Variants in MFN2 observed in about 807,000 individuals in gnomAD.
MFN2 encodes mitofusin-2.
In MFN2, 43 loss-of-function variants were observed where a neutral mutation model predicts 87.5. The ratio of observed to expected loss-of-function variants is 0.49; its 90% confidence interval spans 0.38 to 0.63. The LOEUF is 0.63. Ranked by LOEUF, MFN2 falls within the 30% of genes least tolerant of loss-of-function variation. The pLI is 0.00. For missense variants in MFN2, 743 were observed against 972.8 expected, an observed-to-expected ratio of 0.76 and a Z score of 3.14; for synonymous variants, 337 against 359.9, an observed-to-expected ratio of 0.94 and a Z score of 0.72.
In MFN2 at chr1:12,007,227, A is replaced by G; in HGVS notation, c.2047A>G (p.Asn683Asp). The G allele has an allele frequency of 6.2e-7, 1 of 1,613,964 alleles. No homozygotes were observed. ...GCTTGTCATCAGCTACACTGGCTCC[A>G]ACTGCAGCCACCAAGTCCAGCAGTG... is the stretch of plus-strand genomic sequence containing the variant. Reference protein sequence around the residue: ...LQLVISYTGSNCSHQVQQELS... With the variant: ...LQLVISYTGSDCSHQVQQELS... Residue 683 changes from asparagine to aspartate, a missense_variant, in exon 17 of 19, where the codon AAC becomes GAC. By Grantham distance (23) the Asn-to-Asp change is conservative (BLOSUM62 1). Around this residue, in one of 3 missense-constraint regions of MFN2, gnomAD observed 571 missense variants for 670.7 expected, o/e 0.85. Coordinates refer to ENST00000235329, the MANE Select transcript of MFN2 (RefSeq NM_014874.4).
chr1:11,980,617 C>G (rs967433638), intron 1 of MFN2, 133 bp downstream of exon 1: 9 of 396,286 alleles, frequency 2.3e-5, no homozygotes, highest in African/African-American at 1.6e-4. Flanking sequence ...GGTCCCCACT[C>G]TCCGGCCTCG....
At chr1:11,987,806 T>TG in intron 2 of MFN2, among the ~76,000 whole-genome samples, 1 of 151,454 alleles carries the variant, frequency 6.6e-6, no homozygotes, top group East Asian at 2.0e-4. Context: ...AAAAAATTAG[T>TG]GGGGCGTGGT....
intron 6 of MFN2, among the ~76,000 whole-genome samples, chr1:11,997,664 A>T (rs1289454051): frequency 6.6e-6 from 1 of 152,114 alleles, no homozygotes; most frequent in Non-Finnish European, 1.5e-5. Context: ...AGGGATGCTC[A>T]AAAGTTGGTG....
chr1:11,988,666 G>A (rs918419684), intron 2 of MFN2, among the ~76,000 whole-genome samples: 2 of 152,014 alleles, frequency 1.3e-5, no homozygotes, highest in African/African-American at 4.8e-5. Flanking sequence ...CTCCCAAGTA[G>A]CTAGGACTGC....
Position 12,001,971 on chromosome 1 carries a change from G to C in MFN2, c.1039-11G>C, listed in dbSNP as rs777588423. Reference sequence around the variant, plus strand: ...GGCCCCCACCTCCCTCCGTGCCTCTGTGTGTTCCAGGAGTGCATCTCCCAG... The same window carrying C: ...GGCCCCCACCTCCCTCCGTGCCTCTCTGTGTTCCAGGAGTGCATCTCCCAG... On this transcript the variant is annotated splice_polypyrimidine_tract_variant and intron_variant, in intron 10 of 18. Coordinates refer to ENST00000235329, the MANE Select transcript of MFN2 (RefSeq NM_014874.4). 3.7e-6 allele frequency: 6 copies of C among 1,613,904 alleles called. No homozygotes were observed. The highest frequency in any genetic ancestry group is 3.3e-5 in the Admixed American group (2 of 60,000).
In MFN2 at chr1:12,004,809, C is replaced by A; in HGVS notation, c.1393-16C>A. Reference sequence around the variant, plus strand: ...TGATGGACATGCTTCTCTTAACTTCCCTCTTCTGGTGGCAGGAGCTGCACC... The same window carrying A: ...TGATGGACATGCTTCTCTTAACTTCACTCTTCTGGTGGCAGGAGCTGCACC... On this transcript the variant is annotated splice_polypyrimidine_tract_variant and intron_variant, in intron 13 of 18. Coordinates refer to ENST00000235329, the MANE Select transcript of MFN2 (RefSeq NM_014874.4). The surrounding 1 kb of genome is among the most constrained non-coding windows in gnomAD (Gnocchi z 4.2). The A allele has an allele frequency of 6.2e-7, 1 of 1,611,996 alleles. No individual in the cohort carries two copies. The highest frequency in any genetic ancestry group is 8.5e-7 in the Non-Finnish European group (1 of 1,178,358).
chr1:12,001,860 T>C (rs1639189583), intron 10 of MFN2, 24 bp downstream of exon 10: 2 of 1,613,900 alleles, frequency 1.2e-6, no homozygotes, highest in Non-Finnish European at 1.7e-6. Flanking sequence ...TTCTGGTATC[T>C]GGCGATTCTG....
At chr1:11,992,168 A>C (rs1348018127) in intron 3 of MFN2, 2 of 263,724 alleles carry the variant, frequency 7.6e-6, no homozygotes, top group Non-Finnish European at 1.5e-5. Flanking sequence ...TTAACATTTA[A>C]GTATTCATCT....
intron 6 of MFN2, 68 bp downstream of exon 6, chr1:11,997,489 T>C: frequency 6.2e-7 from 1 of 1,604,226 alleles, no homozygotes; most frequent in Non-Finnish European, 8.5e-7. Context: ...CTGGATAATC[T>C]AGGCCAGGGT....
chr1:11,996,015 A>G (rs2100821937), intron 4 of MFN2, 141 bp from the exon 5 acceptor site: 1 of 1,017,594 alleles, frequency 9.8e-7, no homozygotes, highest in African/African-American at 1.6e-5. Context: ...AACAGTGCCT[A>G]CTCTTTGTCT....
chr1:12,008,304 C>T (rs12137118), intron 17 of MFN2, among the ~76,000 whole-genome samples: 17 of 152,132 alleles, frequency 1.1e-4, no homozygotes, highest in Non-Finnish European at 2.5e-4. Flanking sequence ...AGAGGGGCTC[C>T]TCACTTCCCA....
chr1:12,008,480 C>G lies in MFN2; in HGVS notation c.2070-1112C>G, dbSNP rs553679438. ...TGGCCGGGCGGGGACTGACCCCCCA[C>G]CTCCCGGACGGGGCGGCTGCTAGGC... On this transcript the variant is annotated intron_variant, in intron 17 of 18. Transcript: ENST00000235329. 1.9e-3 allele frequency among the ~76,000 whole-genome samples: 284 copies of G among 149,978 alleles called. 2 individuals carry two copies. The highest frequency in any genetic ancestry group is 0.01 in the Middle Eastern group (3 of 292).
chr1:12,007,260 CT>C lies in MFN2; in HGVS notation c.2069+12del. 1 of 1,613,136 alleles carries C rather than the reference CT, an allele frequency of 6.2e-7. No individual in the cohort carries two copies. Among genetic ancestry groups the C allele is most frequent in the Non-Finnish European group, 8.5e-7 (1 of 1,179,676 alleles). ...CCACCAAGTCCAGCAGTGAGTGGCC[CT>C]GTCGGACCCCAGCAGGGGACTTCCT... On this transcript the variant is annotated intron_variant, in intron 17 of 18. Transcript: ENST00000235329.
chr1:11,986,157 T>TCC (rs1638395791), intron 2 of MFN2, among the ~76,000 whole-genome samples: 2 of 152,188 alleles, frequency 1.3e-5, no homozygotes, highest in African/African-American at 4.8e-5. Flanking sequence ...TGCCCACTCT[T>TCC]TGGGATGGTT....
rs756822984 is a variant in MFN2, at chr1:12,013,054, G to A, written c.*1489G>A. 6 of 325,466 alleles carry A rather than the reference G, an allele frequency of 1.8e-5. No individual in the cohort carries two copies. The highest frequency in any genetic ancestry group is 6.0e-6 in the Non-Finnish European group (1 of 167,184). The allele number at this position is 325,466 out of a possible 1,614,324, so 20.2% of individuals were successfully genotyped here. On this transcript the variant is annotated 3_prime_UTR_variant, in exon 19 of 19. Transcript: ENST00000235329. ...CTCAGTCTGTCCTGTTGTGTGGGGC[G>A]AAGTGATGGACTCTGCCAGGTGGAC...
intron 2 of MFN2, among the ~76,000 whole-genome samples, chr1:11,988,084 T>TGTGTGTG (rs1553140706): frequency 0.091 from 13,061 of 144,188 alleles, 1,106 homozygotes; most frequent in African/African-American, 0.23. Context: ...CCAATAGTTT[T>TGTGTGTG]TGTGTGTGTG....
chr1:11,982,117 A>G lies in MFN2; in HGVS notation c.-5+3A>G, dbSNP rs1287276016. On this transcript the variant is annotated splice_donor_region_variant and intron_variant, in intron 2 of 18. Coordinates refer to ENST00000235329, the MANE Select transcript of MFN2 (RefSeq NM_014874.4). The stretch of plus-strand genomic sequence containing the variant: ...AAGATCTCTCACCATCCAAAAAAGT[A>G]AGTAGTAGCTGTGACTTCTGGCACC... 1.3e-5 allele frequency: 2 copies of G among 151,460 alleles called. No homozygotes were observed. Among genetic ancestry groups the G allele is most frequent in the Non-Finnish European group, 2.9e-5 (2 of 67,814 alleles). 9.4% of individuals were successfully genotyped at this position (151,460 alleles called of 1,614,324 possible).
At position 12,011,807 on chromosome 1, in the gene MFN2, C is replaced by T; in HGVS notation, c.*242C>T. On this transcript the variant is annotated 3_prime_UTR_variant, in exon 19 of 19. Transcript: ENST00000235329. ...CACTTTCAGCGACAGCTATGGACAG[C>T]ATGGTACCAAGGAGTTAAGTTGAGG... The T allele has an allele frequency of 1.7e-6, 1 of 586,296 alleles. No individual in the cohort carries two copies. The highest frequency in any genetic ancestry group is 3.0e-6 in the Non-Finnish European group (1 of 328,064). 36.3% of individuals were successfully genotyped at this position (586,296 alleles called of 1,614,324 possible). A position where few individuals can be genotyped will look rare whatever the true frequency, so the allele number is the denominator to read the frequency against.
intron 3 of MFN2, among the ~76,000 whole-genome samples, chr1:11,991,923 CAAAAAAAAAAAAAAA>C (rs35314016): frequency 0.01 from 172 of 16,744 alleles, 4 homozygotes; most frequent in African/African-American, 0.03. Flanking sequence ...GACTCCGTCT[CAAAAAAAAAAAAAAA>C]AAAAAAAAAA....
Sources: allele counts gnomAD v4.1 joint callset (sites outside exome capture counted in the v4.1 genomes callset), GRCh38; gene constraint gnomAD v4.1.1; regional missense constraint gnomAD v4.1.1; non-coding constraint Gnocchi (gnomAD v3.1); transcripts MANE v1.5; gene names NCBI Gene and HGNC (gene_info 2026-07-23, HGNC 2026-07-21).